The following CFAP54 variants were observed in gnomAD, a reference collection of about 807,000 sequenced individuals.
CFAP54 encodes cilia and flagella associated protein 54, also known as cilia- and flagella-associated protein 54.
A neutral mutation model predicts 370.4 loss-of-function variants in CFAP54; 290 were observed. That is an observed-to-expected ratio of 0.78 (90% CI 0.71 to 0.86). The LOEUF (loss-of-function observed/expected upper bound fraction) is 0.86, where lower values mean the gene tolerates loss of function less well. Ranked by LOEUF, CFAP54 falls within the 40% of genes least tolerant of loss-of-function variation. The pLI, the probability that CFAP54 is intolerant of heterozygous loss-of-function variation, is 0.00. For synonymous variants in CFAP54, 1,206 were observed against 1,236.5 expected, an observed-to-expected ratio of 0.98 and a Z score of 0.52; for missense variants, 3,399 against 3,528.7, an observed-to-expected ratio of 0.96 and a Z score of 0.93.
intron 51 of CFAP54, among the ~76,000 whole-genome samples, chr12:96,740,848 G>C (rs1565961077): frequency 6.6e-6 from 1 of 152,146 alleles, no homozygotes; most frequent in Non-Finnish European, 1.5e-5. Flanking sequence ...GTCACAACTG[G>C]GTGGAGGCGG....
chr12:96,562,843 C>G (rs965268143), intron 17 of CFAP54, among the ~76,000 whole-genome samples: 9 of 151,970 alleles, frequency 5.9e-5, no homozygotes, highest in African/African-American at 2.2e-4. Flanking sequence ...ACTACTTCTC[C>G]TATGACCTGC....
chr12:96,522,223 CTT>C (rs1467737585), intron 8 of CFAP54, 34 bp downstream of exon 8: 10 of 1,357,016 alleles, frequency 7.4e-6, no homozygotes, highest in Non-Finnish European at 1.0e-5. Context: ...CTTTAAGACT[CTT>C]TTTGCAGTAT....
At chr12:96,608,308 TACAC>T (rs5800256) in intron 26 of CFAP54, among the ~76,000 whole-genome samples, 65,483 of 150,562 alleles carry the variant, frequency 0.43, 14,419 homozygotes, top group Admixed American at 0.49. Context: ...CATATATATA[TACAC>T]ACACACACAC....
intron 66 of CFAP54, among the ~76,000 whole-genome samples, chr12:96,830,489 A>G (rs1959167360): frequency 6.6e-6 from 1 of 152,078 alleles, no homozygotes; most frequent in Non-Finnish European, 1.5e-5. Context: ...TCATGGGCTT[A>G]TTGACCATTT....
rs1956027561 is a variant in CFAP54, at chr12:96,580,955, A to G, written c.2925A>G (p.Lys975=). 2.0e-6 allele frequency: 3 copies of G among 1,523,026 alleles called. No homozygotes were observed. Among genetic ancestry groups the G allele is most frequent in the Non-Finnish European group, 2.6e-6 (3 of 1,141,228 alleles). 94.3% of individuals were successfully genotyped at this position (1,523,026 alleles called of 1,614,324 possible). A position where few individuals can be genotyped will look rare whatever the true frequency, so the allele number is the denominator to read the frequency against. Residue 975 remains lysine, a synonymous_variant, in exon 22 of 68, where the codon AAA becomes AAG. Transcript: ENST00000524981. The part of the protein sequence containing the change: ...PADGKSVFEV[K]GLETNEKYVF... ...ACGGTAAAAGTGTTTTTGAAGTGAA[A>G]GGTTTAGAAACCAATGAAAAGTATG... is the stretch of plus-strand genomic sequence containing the variant.
intron 60 of CFAP54, among the ~76,000 whole-genome samples, chr12:96,775,196 G>A (rs904343212): frequency 2.0e-5 from 3 of 152,128 alleles, no homozygotes; most frequent in African/African-American, 7.2e-5. Context: ...TTGGGAAGCC[G>A]AGGTGGGCAA....
intron 32 of CFAP54, 91 bp downstream of exon 32, chr12:96,630,742 C>A: frequency 3.0e-6 from 2 of 672,620 alleles, no homozygotes; most frequent in South Asian, 3.8e-5. Context: ...CACTGGTGGA[C>A]CAGACAGGTG....
rs143868975 is a variant in CFAP54, at chr12:96,775,168, G to A, written c.8282-9549G>A. 1.6e-3 allele frequency among the ~76,000 whole-genome samples: 245 copies of A among 152,194 alleles called. 7 individuals carry two copies. The East Asian group carries it at 0.044, about 27-fold the overall frequency. ...CTGTGGGCCGGGCGCGGTGACTCACGCCTGTAATCCTGACGCTTTGGGAAG... is the reference window on the plus strand; with the variant it reads ...CTGTGGGCCGGGCGCGGTGACTCACACCTGTAATCCTGACGCTTTGGGAAG... On this transcript the variant is annotated intron_variant, in intron 60 of 67. Coordinates refer to ENST00000524981, the MANE Select transcript of CFAP54 (RefSeq NM_001306084.2).
intron 33 of CFAP54, chr12:96,645,989 T>C (rs974430182): frequency 2.6e-5 from 4 of 152,096 alleles, no homozygotes; most frequent in African/African-American, 9.7e-5. Flanking sequence ...CCTAAAACCA[T>C]AAAAACCCTA....
intron 60 of CFAP54, among the ~76,000 whole-genome samples, chr12:96,766,940 T>G (rs1465493145): frequency 6.6e-6 from 1 of 152,210 alleles, no homozygotes; most frequent in Non-Finnish European, 1.5e-5. Context: ...CGGGTTCAGG[T>G]GCATTCTTAT....
At position 96,786,779 on chromosome 12, in the gene CFAP54, C is replaced by T. The variant is rs1405000382; in HGVS notation, c.8560C>T (p.Leu2854Phe). ...ILRQKEVHFF[L>F]KKFLQLYSSS... ...GCGCCAGAAAGAAGTGCATTTTTTC[C>T]TTAAAAAATTCTTACAGCTGTATTC... is the stretch of plus-strand genomic sequence containing the variant. The change falls in exon 62 of 68, where the codon CTT becomes TTT. Residue 2854 changes from leucine to phenylalanine, a missense_variant. By Grantham distance (22) the Leu-to-Phe change is conservative. Around this residue, in one of 3 missense-constraint regions of CFAP54, gnomAD observed 2,796 missense variants for 2,869.7 expected, o/e 0.97. Coordinates refer to ENST00000524981, the MANE Select transcript of CFAP54 (RefSeq NM_001306084.2). The T allele has an allele frequency of 6.5e-7, 1 of 1,535,482 alleles. No individual in the cohort carries two copies. The highest frequency in any genetic ancestry group is 2.4e-5 in the East Asian group (1 of 40,894).
intron 48 of CFAP54, among the ~76,000 whole-genome samples, chr12:96,714,144 A>G (rs939282061): frequency 2.6e-5 from 4 of 152,230 alleles, no homozygotes; most frequent in African/African-American, 9.6e-5. Flanking sequence ...TTACAAGGCT[A>G]TTGAATAATT....
chr12:96,664,533 C>T lies in CFAP54; in HGVS notation c.5563+601C>T, dbSNP rs183778039. Among the ~76,000 whole-genome samples the T allele has an allele frequency of 4.8e-3, 721 of 151,074 alleles. 4 individuals carry two copies. Among genetic ancestry groups the T allele is most frequent in the African/African-American group, 0.016 (671 of 41,160 alleles). ...ACATTTTCTTTATCCAGTCTATCAT[C>T]GATGGGCATTTAGGTTCATTCCACT... On this transcript the variant is annotated intron_variant, in intron 39 of 67. Coordinates refer to ENST00000524981, the MANE Select transcript of CFAP54 (RefSeq NM_001306084.2).
chr12:96,643,373 A>T (rs930484543), intron 32 of CFAP54, among the ~76,000 whole-genome samples: 1 of 120,624 alleles, frequency 8.3e-6, no homozygotes, highest in African/African-American at 3.2e-5. Flanking sequence ...CCTATCCATC[A>T]TTCTTTTTTT....
intron 50 of CFAP54, among the ~76,000 whole-genome samples, chr12:96,721,610 A>G (rs893537538): frequency 6.6e-6 from 1 of 152,206 alleles, no homozygotes; most frequent in Non-Finnish European, 1.5e-5. Context: ...AGGTCCTCTG[A>G]CACATTCAAT....
intron 50 of CFAP54, among the ~76,000 whole-genome samples, chr12:96,739,572 A>G (rs959718030): frequency 6.6e-6 from 1 of 152,214 alleles, no homozygotes; most frequent in African/African-American, 2.4e-5. Context: ...AAGTACATAT[A>G]TACTCATTTT....
chr12:96,643,692 A>G (rs1224126801), intron 32 of CFAP54, among the ~76,000 whole-genome samples: 2 of 152,206 alleles, frequency 1.3e-5, no homozygotes, highest in African/African-American at 2.4e-5. Context: ...TTGAATATGC[A>G]GTTATGAAGT....
chr12:96,687,011 T>C (rs1957337877), intron 42 of CFAP54, among the ~76,000 whole-genome samples: 1 of 152,160 alleles, frequency 6.6e-6, no homozygotes, highest in African/African-American at 2.4e-5. Flanking sequence ...AGAAGCTGCT[T>C]CCTTATCTTT....
chr12:96,552,246 C>CAA lies in CFAP54; in HGVS notation c.2155-1917_2155-1916dup, dbSNP rs374756712. ...GGGCAACAAGAGCAAAACTACATCT[C>CAA]AAAAAAAAAAAAAAAAAAAAGAATA... On this transcript the variant is annotated intron_variant, in intron 15 of 67. Coordinates refer to ENST00000524981, the MANE Select transcript of CFAP54 (RefSeq NM_001306084.2). 3.6e-3 allele frequency among the ~76,000 whole-genome samples: 147 copies of CAA among 40,960 alleles called. 1 individual carries two copies. Among genetic ancestry groups the CAA allele is most frequent in the African/African-American group, 0.011 (140 of 13,194 alleles). 26.9% of individuals were successfully genotyped at this position (40,960 alleles called of 152,430 possible). A position where few individuals can be genotyped will look rare whatever the true frequency, so the allele number is the denominator to read the frequency against.
Sources: gnomAD v4.1 joint callset for allele counts (sites outside exome capture counted in the v4.1 genomes callset) on GRCh38, gnomAD v4.1.1 for gene constraint, gnomAD v4.1.1 regional missense constraint, MANE v1.5 for transcripts, NCBI Gene and HGNC (gene_info 2026-07-23, HGNC 2026-07-21) for gene names.